Variants in NETO1 observed in about 807,000 individuals in gnomAD.
NETO1 encodes the protein neuropilin and tolloid-like protein 1.
Under a neutral mutation model 61.3 loss-of-function variants are expected in NETO1, and 26 were observed. The observed-to-expected ratio is 0.42, with a 90% CI of 0.31 to 0.59. NETO1 has a LOEUF of 0.59. NETO1 is among the 20% of genes least tolerant of loss of function. NETO1 has a pLI of 0.12. For synonymous variants in NETO1, 225 were observed against 225.8 expected (o/e 1.00, Z 0.03); for missense variants, 531 against 662.8 (o/e 0.80, Z 2.18).
At chr18:72,779,034 C>T (rs766632892) in intron 7 of NETO1, among the ~76,000 whole-genome samples, 3 of 152,260 alleles carry the variant, frequency 2.0e-5, no homozygotes, top group Middle Eastern at 3.4e-3. Context: ...CAGGCACCAG[C>T]GCGCTCGAAG....
intron 4 of NETO1, chr18:72,834,286 CAG>C: frequency 2.4e-6 from 2 of 833,464 alleles, no homozygotes; most frequent in Non-Finnish European, 2.9e-6. Flanking sequence ...ACAATAATAA[CAG>C]AAAAAATTTC....
At chr18:72,838,395 G>A (rs1415300657) in intron 4 of NETO1, among the ~76,000 whole-genome samples, 1 of 152,160 alleles carries the variant, frequency 6.6e-6, no homozygotes, top group Non-Finnish European at 1.5e-5. Context: ...GACATCTCTA[G>A]GTTTCATCTC....
intron 7 of NETO1, among the ~76,000 whole-genome samples, chr18:72,759,931 C>G (rs1444179189): frequency 6.6e-6 from 1 of 152,172 alleles, no homozygotes; most frequent in East Asian, 1.9e-4. Flanking sequence ...TTTCCAGGGT[C>G]ACAAGAGGGG....
chr18:72,814,058 C>T (rs1240562656), intron 4 of NETO1, among the ~76,000 whole-genome samples: 1 of 151,940 alleles, frequency 6.6e-6, no homozygotes, highest in Non-Finnish European at 1.5e-5. Context: ...AAGAATGAAG[C>T]TGAAGTGAAA....
chr18:72,782,868 T>C (rs2071791732), intron 7 of NETO1, among the ~76,000 whole-genome samples: 1 of 152,174 alleles, frequency 6.6e-6, no homozygotes, highest in Non-Finnish European at 1.5e-5. Context: ...TGAGATGGTA[T>C]CTCACTGTGG....
intron 4 of NETO1, among the ~76,000 whole-genome samples, chr18:72,816,929 G>A (rs2073049332): frequency 6.6e-6 from 1 of 152,216 alleles, no homozygotes; most frequent in Non-Finnish European, 1.5e-5. Flanking sequence ...GTCGTGATGA[G>A]AAGACACTTG....
intron 3 of NETO1, among the ~76,000 whole-genome samples, chr18:72,862,044 G>A (rs2074588286): frequency 6.6e-6 from 1 of 152,052 alleles, no homozygotes; most frequent in Admixed American, 6.5e-5. Flanking sequence ...CTAACTCTCT[G>A]GCTTCTCCTA....
In NETO1 at chr18:72,828,968, T is replaced by TA. The variant is rs11354646; in HGVS notation, c.469+29857dup. ...AATTTAGTCTCCAAGAGAACTGTTCTAAAAAAAAAATCTTAAGAAAGAAAA... is the reference window on the plus strand; with the variant it reads ...AATTTAGTCTCCAAGAGAACTGTTCTAAAAAAAAAAATCTTAAGAAAGAAAA... On this transcript the variant is annotated intron_variant, in intron 4 of 10. Coordinates refer to ENST00000327305, the MANE Select transcript of NETO1 (RefSeq NM_138966.5). Among the ~76,000 whole-genome samples, 23 of 151,616 alleles carry TA rather than the reference T, an allele frequency of 1.5e-4. No homozygotes were observed. The East Asian group carries it at 2.5e-3, about 17-fold the overall frequency.
intron 6 of NETO1, among the ~76,000 whole-genome samples, chr18:72,789,879 A>G (rs1032663362): frequency 1.3e-5 from 2 of 152,190 alleles, no homozygotes; most frequent in African/African-American, 4.8e-5. Flanking sequence ...CTTTTGATTA[A>G]TCCAAAGTCA....
chr18:72,777,556 C>G (rs562811192), intron 7 of NETO1, among the ~76,000 whole-genome samples: 1 of 149,786 alleles, frequency 6.7e-6, no homozygotes, highest in South Asian at 2.1e-4. Flanking sequence ...CTGGCTAACA[C>G]GTTGAAACCC....
At chr18:72,784,842 A>G (rs2071860623) in intron 6 of NETO1, among the ~76,000 whole-genome samples, 1 of 152,264 alleles carries the variant, frequency 6.6e-6, no homozygotes, top group South Asian at 2.1e-4. Flanking sequence ...TGGCATCCAC[A>G]GCTTGTCCTG....
intron 4 of NETO1, among the ~76,000 whole-genome samples, chr18:72,849,326 A>G (rs777989312): frequency 2.0e-5 from 3 of 152,232 alleles, no homozygotes; most frequent in Non-Finnish European, 4.4e-5. Context: ...GTTTCCAAAC[A>G]CATATTCCAT....
chr18:72,841,498 T>C (rs1231990520), intron 4 of NETO1, among the ~76,000 whole-genome samples: 1 of 151,960 alleles, frequency 6.6e-6, no homozygotes, highest in Non-Finnish European at 1.5e-5. Flanking sequence ...TTTGGGAGGC[T>C]GAGGCGGGTG....
At chr18:72,758,695 G>A (rs1454830090) in intron 7 of NETO1, among the ~76,000 whole-genome samples, 2 of 151,984 alleles carry the variant, frequency 1.3e-5, no homozygotes, top group Non-Finnish European at 2.9e-5. Context: ...AATTAGCTGA[G>A]CATGGTAGCA....
chr18:72,840,598 C>G (rs2073898803), intron 4 of NETO1, among the ~76,000 whole-genome samples: 1 of 151,870 alleles, frequency 6.6e-6, no homozygotes, highest in Non-Finnish European at 1.5e-5. Context: ...CATTATATAA[C>G]CCAACAGGAA....
intron 8 of NETO1, 62 bp from the exon 9 acceptor site, chr18:72,750,682 T>G (rs2070572707): frequency 1.7e-6 from 2 of 1,206,430 alleles, no homozygotes; most frequent in Non-Finnish European, 1.1e-6. Context: ...CAGCAAACAT[T>G]AATATTATAG....
intron 4 of NETO1, among the ~76,000 whole-genome samples, chr18:72,807,525 TTTTG>T (rs1294037218): frequency 6.6e-6 from 1 of 152,170 alleles, no homozygotes; most frequent in Non-Finnish European, 1.5e-5. Flanking sequence ...AGAAGTTGGA[TTTTG>T]TTTGTGTTCA....
intron 7 of NETO1, among the ~76,000 whole-genome samples, chr18:72,757,080 C>A (rs1370944254): frequency 2.6e-5 from 4 of 152,000 alleles, no homozygotes; most frequent in Non-Finnish European, 5.9e-5. Context: ...AGATAAAATG[C>A]AATTCTAGTG....
intron 7 of NETO1, among the ~76,000 whole-genome samples, chr18:72,759,255 C>G (rs1328284867): frequency 6.6e-6 from 1 of 152,170 alleles, no homozygotes; most frequent in Non-Finnish European, 1.5e-5. Context: ...CATCGGAACC[C>G]TATAATCTAT....
Sources: allele counts gnomAD v4.1 joint callset (sites outside exome capture counted in the v4.1 genomes callset), GRCh38; gene constraint gnomAD v4.1.1; transcripts MANE v1.5; gene names NCBI Gene and HGNC (gene_info 2026-07-23, HGNC 2026-07-21).